Variants in IMMP2L observed in about 807,000 individuals in gnomAD.
IMMP2L encodes inner mitochondrial membrane peptidase subunit 2, also known as mitochondrial inner membrane protease subunit 2.
Under a neutral mutation model 19.3 loss-of-function variants are expected in IMMP2L, and 18 were observed. The observed-to-expected ratio is 0.93, with a 90% CI of 0.64 to 1.38. IMMP2L has a LOEUF of 1.38. IMMP2L is among the 40% of genes most tolerant of loss of function. The probability of loss-of-function intolerance (pLI) is 0.00; values close to 1 mark genes in which losing one functional copy is unlikely to be tolerated. For synonymous variants in IMMP2L, 76 were observed against 73.0 expected, an observed-to-expected ratio of 1.04 and a Z score of -0.21; for missense variants, 233 against 218.2, an observed-to-expected ratio of 1.07 and a Z score of -0.43.
At chr7:111,297,007 G>C (rs753336016) in intron 3 of IMMP2L, among the ~76,000 whole-genome samples, 1 of 151,968 alleles carries the variant, frequency 6.6e-6, no homozygotes, top group Non-Finnish European at 1.5e-5. Flanking sequence ...ATGAAGAACA[G>C]ATTAGTGGTT....
chr7:110,861,069 T>TTGTGTGTGTGTGTGTGTG (rs754363475), intron 5 of IMMP2L, among the ~76,000 whole-genome samples: 6 of 129,114 alleles, frequency 4.6e-5, no homozygotes, highest in African/African-American at 1.5e-4. Context: ...CACCAGCAGT[T>TTGTGTGTGTGTGTGTGTG]TGTGTGTGTG....
At chr7:110,729,091 G>C (rs950214301) in intron 5 of IMMP2L, among the ~76,000 whole-genome samples, 4 of 152,026 alleles carry the variant, frequency 2.6e-5, no homozygotes, top group African/African-American at 9.7e-5. Flanking sequence ...CACCATGTTG[G>C]TCAGGCTTGT....
intron 3 of IMMP2L, among the ~76,000 whole-genome samples, chr7:111,039,765 T>C (rs1395366313): frequency 6.6e-6 from 1 of 152,228 alleles, no homozygotes. Context: ...CTTAATCGTG[T>C]GCAAATTTTA....
intron 4 of IMMP2L, among the ~76,000 whole-genome samples, chr7:110,918,237 C>T (rs1813840522): frequency 6.6e-6 from 1 of 152,012 alleles, no homozygotes; most frequent in East Asian, 1.9e-4. Context: ...GCTATAAATT[C>T]TTATTTGTTG....
intron 3 of IMMP2L, among the ~76,000 whole-genome samples, chr7:111,008,150 A>G (rs1051064198): frequency 5.9e-5 from 9 of 151,678 alleles, no homozygotes; most frequent in African/African-American, 2.2e-4. Flanking sequence ...CCCATTCTCT[A>G]TTTTCAACAT....
chr7:111,335,248 A>G (rs1278318120), intron 3 of IMMP2L, among the ~76,000 whole-genome samples: 1 of 152,114 alleles, frequency 6.6e-6, no homozygotes, highest in Non-Finnish European at 1.5e-5. Context: ...ACCATATTTG[A>G]TGAAATGGAT....
chr7:110,755,297 A>G (rs1403417910), intron 5 of IMMP2L, among the ~76,000 whole-genome samples: 1 of 152,126 alleles, frequency 6.6e-6, no homozygotes, highest in Non-Finnish European at 1.5e-5. Flanking sequence ...TTCAAAAGTA[A>G]CTTTCTTCAC....
chr7:111,072,945 C>G (rs1017660721), intron 3 of IMMP2L, among the ~76,000 whole-genome samples: 5 of 149,174 alleles, frequency 3.4e-5, no homozygotes, highest in Non-Finnish European at 7.4e-5. Flanking sequence ...TGACATCTGA[C>G]AGTAATGCAT....
chr7:111,421,517 G>A (rs112449076), intron 3 of IMMP2L, among the ~76,000 whole-genome samples: 4 of 151,286 alleles, frequency 2.6e-5, no homozygotes, highest in Non-Finnish European at 5.9e-5. Context: ...TGATCCACCC[G>A]CCTCGGCCTC....
intron 5 of IMMP2L, among the ~76,000 whole-genome samples, chr7:110,777,506 T>C (rs981744936): frequency 5.3e-5 from 8 of 152,018 alleles, no homozygotes; most frequent in African/African-American, 1.9e-4. Flanking sequence ...AAATCGAAGT[T>C]TCTTTAGCCC....
intron 5 of IMMP2L, among the ~76,000 whole-genome samples, chr7:110,819,140 C>G (rs1300725512): frequency 1.3e-5 from 2 of 151,698 alleles, no homozygotes; most frequent in African/African-American, 4.8e-5. Context: ...AAAAAAAAAT[C>G]AGTTCTGACT....
chr7:110,926,618 T>A (rs1814886586), intron 4 of IMMP2L, among the ~76,000 whole-genome samples: 1 of 152,146 alleles, frequency 6.6e-6, no homozygotes, highest in Non-Finnish European at 1.5e-5. Context: ...ATTTTTCTCA[T>A]CTTTAAGTTT....
chr7:110,772,955 T>A (rs959598538), intron 5 of IMMP2L, among the ~76,000 whole-genome samples: 2 of 152,068 alleles, frequency 1.3e-5, no homozygotes, highest in South Asian at 2.1e-4. Flanking sequence ...TCATTTCTTT[T>A]TTTTTTCCCT....
In IMMP2L at chr7:111,011,512, GA is replaced by G. The variant is rs139347312; in HGVS notation, c.240-47948del. ...AGTCCCCTTACTATGTCATTACTCTGAAATGAAGTCTAAGGGGGAGGGAGGC... is the reference window on the plus strand; with the variant it reads ...AGTCCCCTTACTATGTCATTACTCTGAATGAAGTCTAAGGGGGAGGGAGGC... On this transcript the variant is annotated intron_variant, in intron 3 of 5. Coordinates refer to ENST00000405709, the MANE Select transcript of IMMP2L (RefSeq NM_032549.4). Among the ~76,000 whole-genome samples, 1,498 of 152,224 alleles carry G rather than the reference GA, an allele frequency of 9.8e-3. 22 individuals carry two copies. Among genetic ancestry groups the G allele is most frequent in the African/African-American group, 0.033 (1,384 of 41,532 alleles).
chr7:110,837,992 A>G (rs974040216), intron 5 of IMMP2L, among the ~76,000 whole-genome samples: 1 of 152,132 alleles, frequency 6.6e-6, no homozygotes, highest in Non-Finnish European at 1.5e-5. Context: ...AGGGCACTCA[A>G]TTTGTTTTGG....
rs1413120203 is a variant in IMMP2L at position 111,199,183 on chromosome 7, A to T, written c.240-235618T>A. 2.6e-5 allele frequency among the ~76,000 whole-genome samples: 4 copies of T among 152,294 alleles called. No homozygotes were observed. The East Asian group carries it at 7.7e-4, about 29-fold the overall frequency. On this transcript the variant is annotated intron_variant, in intron 3 of 5. Coordinates refer to ENST00000405709, the MANE Select transcript of IMMP2L (RefSeq NM_032549.4). ...TATTCTGCCACCATTTTACAAAAAA[A>T]CCTGCCTCATTTCCGAATAAATAAA...
chr7:111,498,625 T>C (rs960874898), intron 2 of IMMP2L, among the ~76,000 whole-genome samples: 38 of 152,198 alleles, frequency 2.5e-4, no homozygotes, highest in African/African-American at 6.7e-4. Flanking sequence ...CTCAGAAGCA[T>C]GTAACTCCAA....
At chr7:111,345,438 T>A (rs1376823207) in intron 3 of IMMP2L, among the ~76,000 whole-genome samples, 1 of 152,132 alleles carries the variant, frequency 6.6e-6, no homozygotes, top group African/African-American at 2.4e-5. Context: ...GGATGTTGAT[T>A]CCTAAAGGCC....
intron 3 of IMMP2L, among the ~76,000 whole-genome samples, chr7:111,435,838 A>G (rs1837107300): frequency 6.6e-6 from 1 of 151,824 alleles, no homozygotes; most frequent in African/African-American, 2.4e-5. Flanking sequence ...CAGTTCTTCC[A>G]GACCCTTCAG....
Sources: gnomAD v4.1 joint callset for allele counts (sites outside exome capture counted in the v4.1 genomes callset) on GRCh38, gnomAD v4.1.1 for gene constraint, MANE v1.5 for transcripts, NCBI Gene and HGNC (gene_info 2026-07-23, HGNC 2026-07-21) for gene names.